Variants in TMEM163 observed in about 807,000 individuals in gnomAD.
TMEM163 encodes the protein transmembrane protein 163.
TMEM163 carries 17 observed loss-of-function variants against 29.3 expected under a neutral mutation model. That is an observed-to-expected ratio of 0.58 (90% confidence interval 0.40 to 0.87). TMEM163 has a LOEUF of 0.87. TMEM163 is among the 40% of genes least tolerant of loss of function. The pLI is 0.00. For synonymous variants in TMEM163, 157 were observed against 160.6 expected (o/e 0.98, Z 0.17); for missense variants, 303 against 381.5 (o/e 0.79, Z 1.71).
chr2:134,537,631 G>A (rs1297608003), intron 4 of TMEM163, among the ~76,000 whole-genome samples: 1 of 152,138 alleles, frequency 6.6e-6, no homozygotes, highest in Non-Finnish European at 1.5e-5. Context: ...CCCAGACAAG[G>A]TCTTCTAAAG....
chr2:134,696,063 A>G (rs1684573964), intron 2 of TMEM163, among the ~76,000 whole-genome samples: 2 of 147,638 alleles, frequency 1.4e-5, no homozygotes, highest in African/African-American at 5.1e-5. Context: ...AAAAAAAAAA[A>G]AAAAAGGTTT....
At chr2:134,504,968 G>T (rs680001) in intron 4 of TMEM163, among the ~76,000 whole-genome samples, 3 of 151,982 alleles carry the variant, frequency 2.0e-5, no homozygotes, top group South Asian at 4.1e-4. Flanking sequence ...CCTCCTGTTT[G>T]GAAGACAGTT....
intron 2 of TMEM163, 129 bp downstream of exon 2, chr2:134,713,071 T>C (rs1186127841): frequency 7.3e-7 from 1 of 1,368,586 alleles, no homozygotes; most frequent in Non-Finnish European, 9.9e-7. Context: ...GTACCCTGAC[T>C]ATCCAACAAT....
intron 2 of TMEM163, among the ~76,000 whole-genome samples, chr2:134,645,023 A>G (rs760217426): frequency 1.3e-5 from 2 of 152,252 alleles, no homozygotes; most frequent in African/African-American, 4.8e-5. Context: ...GGTATTTGAC[A>G]TCATTACCCA....
intron 4 of TMEM163, among the ~76,000 whole-genome samples, chr2:134,541,324 A>T (rs1459879372): frequency 6.6e-6 from 1 of 152,274 alleles, no homozygotes; most frequent in East Asian, 1.9e-4. Context: ...GCTGATAAAA[A>T]GAATTATAAC....
chr2:134,708,950 G>A (rs16830921), intron 2 of TMEM163, among the ~76,000 whole-genome samples: 12,172 of 152,184 alleles, frequency 0.08, 571 homozygotes, highest in South Asian at 0.17. Context: ...CTTTTTTAAC[G>A]GAGCTGTGTA....
intron 2 of TMEM163, among the ~76,000 whole-genome samples, chr2:134,587,065 C>T (rs890231519): frequency 4.2e-5 from 5 of 117,770 alleles, no homozygotes; most frequent in Admixed American, 2.0e-4. Flanking sequence ...CCTTTAAAGT[C>T]CTGAAAAAAA....
At chr2:134,648,706 A>G (rs1683397022) in intron 2 of TMEM163, among the ~76,000 whole-genome samples, 1 of 152,346 alleles carries the variant, frequency 6.6e-6, no homozygotes, top group South Asian at 2.1e-4. Context: ...CTGATAACTC[A>G]TCAATCTGTG....
At chr2:134,648,071 G>A (rs146007609) in intron 2 of TMEM163, among the ~76,000 whole-genome samples, 68 of 152,290 alleles carry the variant, frequency 4.5e-4, no homozygotes, top group African/African-American at 1.3e-3. Context: ...GGAGGAATGA[G>A]GTCACACAAA....
At chr2:134,703,994 A>T (rs1684755901) in intron 2 of TMEM163, among the ~76,000 whole-genome samples, 1 of 152,132 alleles carries the variant, frequency 6.6e-6, no homozygotes, top group Admixed American at 6.5e-5. Flanking sequence ...TCTCTCACCT[A>T]GAATTTCAGG....
intron 2 of TMEM163, among the ~76,000 whole-genome samples, chr2:134,580,286 T>A (rs1240729333): frequency 6.6e-6 from 1 of 152,170 alleles, no homozygotes; most frequent in South Asian, 2.1e-4. Flanking sequence ...CTCAACCCCA[T>A]GAGTCACAGC....
chr2:134,458,927 C>G (rs932121206), intron 6 of TMEM163: 1 of 145,432 alleles, frequency 6.9e-6, no homozygotes, highest in African/African-American at 2.6e-5. Context: ...TCTCCTTTCA[C>G]ACAGCAGCCC....
chr2:134,552,285 G>C (rs1680947047), intron 2 of TMEM163, among the ~76,000 whole-genome samples, 194 bp from the exon 3 acceptor site: 1 of 152,124 alleles, frequency 6.6e-6, no homozygotes, highest in Non-Finnish European at 1.5e-5. Flanking sequence ...GACTCCACCT[G>C]CAACAACTTC....
At chr2:134,520,612 C>T (rs527982741) in intron 4 of TMEM163, among the ~76,000 whole-genome samples, 1 of 152,332 alleles carries the variant, frequency 6.6e-6, no homozygotes, top group South Asian at 2.1e-4. Context: ...GATTCAAACA[C>T]ACAAACACTT....
At chr2:134,469,627 ACATTCTG>A (rs11278858) in intron 5 of TMEM163, 64,603 of 151,732 alleles carry the variant, frequency 0.43, 15,469 homozygotes, top group East Asian at 0.8. Flanking sequence ...TCAGCCAGGC[ACATTCTG>A]CATTCTGTGG....
At chr2:134,696,830 C>T (rs969148681) in intron 2 of TMEM163, among the ~76,000 whole-genome samples, 1 of 152,198 alleles carries the variant, frequency 6.6e-6, no homozygotes, top group Non-Finnish European at 1.5e-5. Context: ...GGCTAGAGTG[C>T]AGTGGCATGA....
intron 2 of TMEM163, among the ~76,000 whole-genome samples, chr2:134,675,796 T>C (rs1398484599): frequency 6.6e-6 from 1 of 152,172 alleles, no homozygotes; most frequent in Non-Finnish European, 1.5e-5. Context: ...AAATTTTTCT[T>C]TCTCAAAAGC....
chr2:134,596,134 AT>A (rs1682076278), intron 2 of TMEM163, among the ~76,000 whole-genome samples: 2 of 152,276 alleles, frequency 1.3e-5, no homozygotes, highest in South Asian at 4.1e-4. Context: ...TCATTTGTCA[AT>A]TTTGGCTTTT....
In TMEM163 at chr2:134,581,718, C is replaced by T. The variant is rs1301770985; in HGVS notation, c.323-29627G>A. Among the ~76,000 whole-genome samples, 4 of 152,144 alleles carry T rather than the reference C, an allele frequency of 2.6e-5. No homozygotes were observed. In the South Asian group the frequency reaches 8.3e-4, roughly 32 times the overall value. Reference sequence around the variant, plus strand: ...TCATTTTGAGGGGAGGATCTCCTACCTTTAGTTTCCCCATACTTTCCCCTT... The same window carrying T: ...TCATTTTGAGGGGAGGATCTCCTACTTTTAGTTTCCCCATACTTTCCCCTT... On this transcript the variant is annotated intron_variant, in intron 2 of 7. Coordinates refer to ENST00000281924, the MANE Select transcript of TMEM163 (RefSeq NM_030923.5).
Sources: gnomAD v4.1 joint callset for allele counts (sites outside exome capture counted in the v4.1 genomes callset) on GRCh38, gnomAD v4.1.1 for gene constraint, MANE v1.5 for transcripts, NCBI Gene and HGNC (gene_info 2026-07-23, HGNC 2026-07-21) for gene names.